TRIP4: variants seen among roughly 807,000 people sequenced by gnomAD.
TRIP4 encodes activating signal cointegrator 1.
A neutral mutation model predicts 81.8 loss-of-function variants in TRIP4; 54 were observed. The observed-to-expected ratio is 0.66, with a 90% CI of 0.53 to 0.83. The LOEUF (loss-of-function observed/expected upper bound fraction) is 0.83, where lower values mean the gene tolerates loss of function less well. TRIP4 is among the 40% of genes least tolerant of loss of function. TRIP4 has a pLI of 0.00. For missense variants in TRIP4, 662 were observed against 683.6 expected (o/e 0.97, Z 0.35); for synonymous variants, 270 against 242.8 (o/e 1.11, Z -1.04).
chr15:64,454,232 A>G (rs1197899577), intron 12 of TRIP4, among the ~76,000 whole-genome samples: 3 of 151,944 alleles, frequency 2.0e-5, no homozygotes, highest in East Asian at 3.9e-4. Context: ...GGAGAAAGCA[A>G]ACTGCCAAAC....
intron 1 of TRIP4, chr15:64,393,308 C>G (rs1900189429): frequency 6.8e-6 from 1 of 146,694 alleles, no homozygotes; most frequent in Non-Finnish European, 1.5e-5. Context: ...TGCTACCATA[C>G]CCGCCTAATT....
At chr15:64,403,200 G>A (rs563617937) in intron 5 of TRIP4, among the ~76,000 whole-genome samples, 6 of 148,366 alleles carry the variant, frequency 4.0e-5, no homozygotes, top group African/African-American at 1.2e-4. Flanking sequence ...TCTTTCGCCC[G>A]GGCTGGAGTG....
chr15:64,389,680 T>G (rs1249916336), intron 1 of TRIP4, among the ~76,000 whole-genome samples: 1 of 152,028 alleles, frequency 6.6e-6, no homozygotes, highest in Admixed American at 6.6e-5. Flanking sequence ...GAAAAGTGTT[T>G]TTTACGAATA....
chr15:64,414,042 A>G, intron 7 of TRIP4, 43 bp from the exon 8 acceptor site: 1 of 1,605,606 alleles, frequency 6.2e-7, no homozygotes. Context: ...TTCTGAGCAT[A>G]GAACATTACC....
intron 5 of TRIP4, among the ~76,000 whole-genome samples, chr15:64,404,381 C>T (rs1266678831): frequency 3.3e-5 from 5 of 151,856 alleles, no homozygotes; most frequent in South Asian, 2.1e-4. Context: ...AGTGCAGTGG[C>T]GTGATCTTGG....
At chr15:64,397,994 G>A (rs994253955) in intron 4 of TRIP4, among the ~76,000 whole-genome samples, 176 bp downstream of exon 4, 5 of 151,810 alleles carry the variant, frequency 3.3e-5, no homozygotes, top group African/African-American at 1.2e-4. Flanking sequence ...TCTGCCTCCC[G>A]GGTTCATGCC....
At chr15:64,427,240 C>T (rs964132048) in intron 11 of TRIP4, among the ~76,000 whole-genome samples, 1 of 152,152 alleles carries the variant, frequency 6.6e-6, no homozygotes, top group Non-Finnish European at 1.5e-5. Context: ...GGGCTTCCAC[C>T]AGTGTGCTGA....
Position 64,392,121 on chromosome 15 carries a change from G to C in TRIP4, c.102-1825G>C, listed in dbSNP as rs988789982. 3.7e-4 allele frequency among the ~76,000 whole-genome samples: 55 copies of C among 149,556 alleles called. 1 individual carries two copies. The highest frequency in any genetic ancestry group is 1.2e-3 in the African/African-American group (48 of 40,628). ...GAAACCCCGTCTCTACTAAAAAAAA[G>C]CAAAAACAAAACAAAACAAAACAAA... On this transcript the variant is annotated intron_variant, in intron 1 of 12. Transcript: ENST00000261884.
At chr15:64,421,766 G>A (rs532981978) in intron 9 of TRIP4, among the ~76,000 whole-genome samples, 5 of 152,238 alleles carry the variant, frequency 3.3e-5, no homozygotes, top group African/African-American at 9.6e-5. Flanking sequence ...AGAGGCTGCC[G>A]GGCACGGTGG....
intron 11 of TRIP4, among the ~76,000 whole-genome samples, chr15:64,433,654 T>C (rs905248230): frequency 5.3e-5 from 8 of 152,164 alleles, no homozygotes; most frequent in East Asian, 1.9e-4. Context: ...GGTAGAGTTA[T>C]GATTTTGCTG....
intron 4 of TRIP4, among the ~76,000 whole-genome samples, chr15:64,400,251 TG>T (rs1452366266): frequency 7.9e-5 from 12 of 151,608 alleles, no homozygotes; most frequent in Non-Finnish European, 1.5e-5. Context: ...AGGACCAGCC[TG>T]GGCAACATGG....
intron 12 of TRIP4, among the ~76,000 whole-genome samples, chr15:64,454,699 C>A: frequency 6.6e-6 from 1 of 152,166 alleles, no homozygotes; most frequent in East Asian, 1.9e-4. Context: ...TTTGCCGTAG[C>A]ATCAAACCCC....
intron 1 of TRIP4, among the ~76,000 whole-genome samples, chr15:64,389,637 A>G (rs1242941756): frequency 2.6e-5 from 4 of 152,130 alleles, no homozygotes; most frequent in Admixed American, 2.6e-4. Context: ...ATGCTATCAA[A>G]TGAAATAATG....
intron 12 of TRIP4, among the ~76,000 whole-genome samples, chr15:64,446,684 G>C (rs1203384042): frequency 6.6e-6 from 1 of 151,728 alleles, no homozygotes; most frequent in African/African-American, 2.4e-5. Context: ...TTACAGGCGT[G>C]AGCCACTGTA....
chr15:64,423,256 C>G (rs2140300129), intron 9 of TRIP4, among the ~76,000 whole-genome samples: 1 of 152,120 alleles, frequency 6.6e-6, no homozygotes, highest in East Asian at 1.9e-4. Context: ...ATCACAAGGT[C>G]AAGAGATCGA....
intron 9 of TRIP4, among the ~76,000 whole-genome samples, chr15:64,419,811 G>A (rs1172323631): frequency 6.6e-6 from 1 of 151,580 alleles, no homozygotes; most frequent in East Asian, 1.9e-4. Context: ...GCATTTTGGA[G>A]TGTTTCTATC....
chr15:64,414,871 A>G (rs1282105063), intron 8 of TRIP4, among the ~76,000 whole-genome samples: 4 of 151,970 alleles, frequency 2.6e-5, no homozygotes, highest in African/African-American at 7.3e-5. Flanking sequence ...AGGTGGGCAG[A>G]TTGCTTGAGC....
chr15:64,450,282 G>C (rs1245861655), intron 12 of TRIP4, among the ~76,000 whole-genome samples: 1 of 151,886 alleles, frequency 6.6e-6, no homozygotes, highest in Non-Finnish European at 1.5e-5. Flanking sequence ...CCAGCTACTC[G>C]GGAGGCTGAG....
intron 7 of TRIP4, among the ~76,000 whole-genome samples, chr15:64,410,577 A>G (rs916608156): frequency 2.0e-5 from 3 of 152,232 alleles, no homozygotes; most frequent in African/African-American, 4.8e-5. Flanking sequence ...AGACCATTCT[A>G]TGATGCTGTA....
Sources: allele counts gnomAD v4.1 joint callset (sites outside exome capture counted in the v4.1 genomes callset), GRCh38; gene constraint gnomAD v4.1.1; transcripts MANE v1.5; gene names NCBI Gene and HGNC (gene_info 2026-07-23, HGNC 2026-07-21).